Variants in CDH13 observed in about 807,000 individuals in gnomAD.
CDH13 encodes the protein cadherin-13.
CDH13 carries 24 observed loss-of-function variants against 63.8 expected under a neutral mutation model. The observed-to-expected ratio is 0.38, with a 90% confidence interval of 0.27 to 0.53. CDH13 has a LOEUF of 0.53. Among genes scored for constraint, CDH13 ranks in the 20% least tolerant of loss-of-function variants. The pLI, the probability that CDH13 is intolerant of heterozygous loss-of-function variation, is 0.85. For synonymous variants in CDH13, 503 were observed against 355.3 expected (o/e 1.42, Z -4.67); for missense variants, 1,049 against 903.1 (o/e 1.16, Z -2.07).
At chr16:83,267,932 T>G (rs565242848) in intron 5 of CDH13, among the ~76,000 whole-genome samples, 54 of 152,316 alleles carry the variant, frequency 3.5e-4, no homozygotes, top group African/African-American at 1.2e-3. Context: ...GAAGTGTCTC[T>G]CAGTCACAGG....
intron 2 of CDH13, among the ~76,000 whole-genome samples, chr16:82,987,534 G>A (rs72792118): frequency 0.094 from 14,301 of 152,016 alleles, 772 homozygotes; most frequent in African/African-American, 0.15. Context: ...CTAAAACCAC[G>A]CTCAGCTAAT....
In CDH13 at chr16:83,493,440, T is replaced by C. The variant is rs980176042; in HGVS notation, c.960+6785T>C. ...GGTGCTGGATATCAGGACGCAAAGA[T>C]TGAGCTGCCTGCATTGGAGGTAAAG... On this transcript the variant is annotated intron_variant, in intron 7 of 13. Transcript: ENST00000567109. Among the ~76,000 whole-genome samples, 7 of 152,308 alleles carry C rather than the reference T, an allele frequency of 4.6e-5. No homozygotes were observed. In the East Asian group the frequency reaches 1.2e-3, roughly 25 times the overall value.
intron 3 of CDH13, among the ~76,000 whole-genome samples, chr16:83,067,893 C>T (rs188557352): frequency 6.6e-6 from 1 of 152,230 alleles, no homozygotes; most frequent in Admixed American, 6.5e-5. Flanking sequence ...CATTTCGCCA[C>T]CTGCTCTGGC....
At chr16:82,767,077 T>C (rs529097957) in intron 1 of CDH13, among the ~76,000 whole-genome samples, 84 of 152,360 alleles carry the variant, frequency 5.5e-4, no homozygotes, top group African/African-American at 2.0e-3. Context: ...ATTGTAGATA[T>C]GCTCTCCCTC....
intron 4 of CDH13, among the ~76,000 whole-genome samples, chr16:83,170,224 T>C (rs2037861384): frequency 6.6e-6 from 1 of 152,140 alleles, no homozygotes; most frequent in African/African-American, 2.4e-5. Flanking sequence ...CACACAGGTT[T>C]CAGAACTGCC....
intron 6 of CDH13, among the ~76,000 whole-genome samples, chr16:83,419,963 C>G (rs992535359): frequency 8.0e-5 from 12 of 149,912 alleles, no homozygotes; most frequent in Admixed American, 1.3e-4. Context: ...GTTCTGAATA[C>G]TATATGCATA....
At chr16:82,950,275 C>G (rs970320404) in intron 2 of CDH13, among the ~76,000 whole-genome samples, 3 of 152,108 alleles carry the variant, frequency 2.0e-5, no homozygotes, top group African/African-American at 7.2e-5. Context: ...TCAACCTTCC[C>G]TTTGCATGCC....
intron 6 of CDH13, among the ~76,000 whole-genome samples, chr16:83,444,118 A>G (rs767894697): frequency 6.6e-6 from 1 of 151,890 alleles, no homozygotes; most frequent in Non-Finnish European, 1.5e-5. Flanking sequence ...TGAAGATACC[A>G]ATAGCAACAA....
chr16:83,015,669 G>GTA (rs1914689349), intron 2 of CDH13, among the ~76,000 whole-genome samples: 1 of 75,136 alleles, frequency 1.3e-5, no homozygotes, highest in African/African-American at 4.5e-5. Flanking sequence ...GTGTGTGTGT[G>GTA]TGTGTATGTA....
intron 5 of CDH13, among the ~76,000 whole-genome samples, chr16:83,254,993 T>C (rs62040386): frequency 5.4e-5 from 1 of 18,580 alleles, no homozygotes; most frequent in Non-Finnish European, 2.0e-4. Flanking sequence ...CTTTCTTTCT[T>C]TCTTTCTTTC....
chr16:82,672,999 C>CTTTTTCTTTTTTTT (rs1555531928), intron 1 of CDH13, among the ~76,000 whole-genome samples: 2 of 81,266 alleles, frequency 2.5e-5, no homozygotes, highest in Admixed American at 1.7e-4. Context: ...ATAAAGTTTT[C>CTTTTTCTTTTTTTT]TTTTTTTTTT....
chr16:82,674,506 C>T (rs1913667909), intron 1 of CDH13, among the ~76,000 whole-genome samples: 1 of 152,178 alleles, frequency 6.6e-6, no homozygotes, highest in Non-Finnish European at 1.5e-5. Flanking sequence ...CTCAGTTAAC[C>T]ACAGCAGGGG....
intron 7 of CDH13, among the ~76,000 whole-genome samples, chr16:83,525,509 C>T (rs948473104): frequency 3.9e-5 from 6 of 152,220 alleles, no homozygotes; most frequent in Admixed American, 3.9e-4. Flanking sequence ...AGAGGGCATC[C>T]TAAACAGCAC....
intron 5 of CDH13, among the ~76,000 whole-genome samples, chr16:83,264,159 A>G (rs1160928151): frequency 6.6e-6 from 1 of 152,232 alleles, no homozygotes; most frequent in Admixed American, 6.5e-5. Context: ...CATAGGGTAT[A>G]AATTGCTGCT....
chr16:82,667,406 C>G (rs1265002647), intron 1 of CDH13, among the ~76,000 whole-genome samples: 2 of 152,200 alleles, frequency 1.3e-5, no homozygotes, highest in Non-Finnish European at 2.9e-5. Flanking sequence ...CCTGAGAAGC[C>G]TGCCTCACCA....
In CDH13 at chr16:83,337,327, C is replaced by T. The variant is rs184465752; in HGVS notation, c.637-7535C>T. Among the ~76,000 whole-genome samples, 503 of 152,276 alleles carry T rather than the reference C, an allele frequency of 3.3e-3. 3 individuals carry two copies. The highest frequency in any genetic ancestry group is 0.015 in the South Asian group (74 of 4,826). On this transcript the variant is annotated intron_variant, in intron 5 of 13. Coordinates refer to ENST00000567109, the MANE Select transcript of CDH13 (RefSeq NM_001257.5). Reference sequence around the variant, plus strand: ...GGCCCTAAACTCAAGGCTGAAACTGCTCTCCAACTTAGCTTCCCTTCTGGC... The same window carrying T: ...GGCCCTAAACTCAAGGCTGAAACTGTTCTCCAACTTAGCTTCCCTTCTGGC...
intron 10 of CDH13, among the ~76,000 whole-genome samples, chr16:83,741,811 A>G (rs755256563): frequency 4.1e-5 from 6 of 144,650 alleles, no homozygotes; most frequent in African/African-American, 5.8e-5. Flanking sequence ...TGGGCCACGG[A>G]CGGCCCCAAC....
chr16:83,533,251 T>C (rs567076556), intron 7 of CDH13, among the ~76,000 whole-genome samples: 2 of 152,276 alleles, frequency 1.3e-5, no homozygotes, highest in East Asian at 3.9e-4. Context: ...TCACTTTTCA[T>C]TGGTGTGTAT....
At chr16:83,029,244 A>G (rs1464787416) in intron 2 of CDH13, among the ~76,000 whole-genome samples, 3 of 152,168 alleles carry the variant, frequency 2.0e-5, no homozygotes. Flanking sequence ...AGATATTTAT[A>G]TGGCTTTCAC....
Sources: gnomAD v4.1 joint callset for allele counts (sites outside exome capture counted in the v4.1 genomes callset) on GRCh38, gnomAD v4.1.1 for gene constraint, MANE v1.5 for transcripts, NCBI Gene and HGNC (gene_info 2026-07-23, HGNC 2026-07-21) for gene names.